FAM133A: variants seen among roughly 807,000 people sequenced by gnomAD.
FAM133A encodes the protein family with sequence similarity 133 member A.
For missense variants in FAM133A, 159 were observed against 164.4 expected (o/e 0.97, Z 0.18); for synonymous variants, 65 against 58.6 (o/e 1.11, Z -0.50).
intron 2 of FAM133A, among the ~76,000 whole-genome samples, chrX:93,679,873 C>T (rs746256147): frequency 2.0e-5 from 2 of 98,201 alleles, no homozygotes; most frequent in East Asian, 3.2e-4. Context: ...CTCAGTCTCC[C>T]GTGTAGCTGG....
intron 3 of FAM133A, among the ~76,000 whole-genome samples, chrX:93,702,641 A>T (rs1926774600): frequency 9.1e-6 from 1 of 109,542 alleles, no homozygotes; most frequent in Non-Finnish European, 1.9e-5. Context: ...TTTTTTCCCA[A>T]AGAGTACAGT....
At chrX:93,695,008 TCA>T (rs1348463426) in intron 2 of FAM133A, among the ~76,000 whole-genome samples, 1 of 111,563 alleles carries the variant, frequency 9.0e-6, no homozygotes, top group Non-Finnish European at 1.9e-5. Flanking sequence ...AGAATTAGCC[TCA>T]CTACTCTTGG....
At chrX:93,681,310 T>G (rs886170384) in intron 2 of FAM133A, among the ~76,000 whole-genome samples, 5 of 110,772 alleles carry the variant, frequency 4.5e-5, no homozygotes, top group African/African-American at 1.6e-4. Context: ...TCTATCTATC[T>G]ATCTTTGCAA....
rs139973643 is a variant in FAM133A at position 93,706,374 on chromosome X, A to T, written c.-103-2943A>T. ...TTTGTAGGTTTTTCATTCACTGCCA[A>T]CCCCTTGCATGTTGGTGTTCAGTTG... On this transcript the variant is annotated intron_variant, in intron 3 of 3. Coordinates refer to ENST00000683942, the MANE Select transcript of FAM133A (RefSeq NM_001171109.2). 1.8e-4 allele frequency among the ~76,000 whole-genome samples: 20 copies of T among 111,310 alleles called. No homozygotes were observed. The East Asian group carries it at 5.1e-3, about 28-fold the overall frequency.
intron 3 of FAM133A, among the ~76,000 whole-genome samples, chrX:93,705,460 G>A (rs1327063866): frequency 9.0e-6 from 1 of 111,381 alleles, no homozygotes; most frequent in Non-Finnish European, 1.9e-5. Context: ...GGATCATACA[G>A]ATTCTTCAGT....
At chrX:93,693,088 G>A (rs1925996070) in intron 2 of FAM133A, among the ~76,000 whole-genome samples, 1 of 111,368 alleles carries the variant, frequency 9.0e-6, no homozygotes, top group African/African-American at 3.3e-5. Context: ...TTATAGTGAT[G>A]AGTCAAAAAG....
chrX:93,709,446 C>T lies in FAM133A; in HGVS notation c.27C>T (p.Ala9=). 1.7e-6 allele frequency: 2 copies of T among 1,183,110 alleles called. No homozygotes were observed. Among genetic ancestry groups the T allele is most frequent in the Non-Finnish European group, 2.3e-6 (2 of 886,433 alleles). Residue 9 remains alanine, a synonymous_variant, in exon 4 of 4, where the codon GCC becomes GCT. Coordinates refer to ENST00000683942, the MANE Select transcript of FAM133A (RefSeq NM_001171109.2). MGKRDNRV[A]YMNPIAMARW... ...TGGGGAAGCGGGATAATCGGGTAGC[C>T]TATATGAATCCTATAGCAATGGCCA...
intron 3 of FAM133A, among the ~76,000 whole-genome samples, chrX:93,704,069 C>T (rs1926891753): frequency 9.0e-6 from 1 of 111,436 alleles, no homozygotes; most frequent in Non-Finnish European, 1.9e-5. Flanking sequence ...AGGATGTGTT[C>T]ATGCTTGGCT....
rs757866080 is a variant in FAM133A at position 93,709,740 on chromosome X, TTCA to T, written c.325_327del (p.Ser111del). On this transcript the variant is annotated inframe_deletion, in exon 4 of 4. Coordinates refer to ENST00000683942, the MANE Select transcript of FAM133A (RefSeq NM_001171109.2). Reference sequence around the variant, plus strand: ...AGAAATCTTGTCGGTCTTCATCTTCTTCATCAAGCTCTGATTCTTCAAGCAGTT... The same window carrying T: ...AGAAATCTTGTCGGTCTTCATCTTCTTCAAGCTCTGATTCTTCAAGCAGTT... 8.4e-7 allele frequency: 1 copy of T among 1,196,217 alleles called. No individual in the cohort carries two copies. Among genetic ancestry groups the T allele is most frequent in the South Asian group, 1.8e-5 (1 of 54,436 alleles).
rs898964635 is a variant in FAM133A at position 93,678,961 on chromosome X, G to T, written c.-193+4209G>T. Reference sequence around the variant, plus strand: ...TCTTCATCCTTGACCTTTCACTTCTGCTCCCAACTATGTGAGATAAAGGGT... The same window carrying T: ...TCTTCATCCTTGACCTTTCACTTCTTCTCCCAACTATGTGAGATAAAGGGT... On this transcript the variant is annotated intron_variant, in intron 2 of 3. Transcript: ENST00000683942. Among the ~76,000 whole-genome samples the T allele has an allele frequency of 6.3e-5, 7 of 111,792 alleles. No individual in the cohort carries two copies. In the Admixed American group the frequency reaches 6.7e-4, roughly 11 times the overall value.
intron 3 of FAM133A, among the ~76,000 whole-genome samples, chrX:93,705,822 A>G (rs1927005174): frequency 2.7e-5 from 3 of 110,784 alleles, no homozygotes; most frequent in African/African-American, 6.5e-5. Flanking sequence ...TTTTTAAAAC[A>G]TGTTTTCTTT....
rs890215708 is a variant in FAM133A at position 93,689,367 on chromosome X, T to A, written c.-192-9030T>A. ...ACAGCAATCATTTTTTAATTAATTTTAAAAATTTTTGGTAAAAGTAATAGT... is the reference window on the plus strand; with the variant it reads ...ACAGCAATCATTTTTTAATTAATTTAAAAAATTTTTGGTAAAAGTAATAGT... On this transcript the variant is annotated intron_variant, in intron 2 of 3. Transcript: ENST00000683942. Among the ~76,000 whole-genome samples, 6 of 111,593 alleles carry A rather than the reference T, an allele frequency of 5.4e-5. No homozygotes were observed. The South Asian group carries it at 2.3e-3, about 42-fold the overall frequency.
chrX:93,690,896 C>A (rs1225985885), intron 2 of FAM133A, among the ~76,000 whole-genome samples: 1 of 111,468 alleles, frequency 9.0e-6, no homozygotes, highest in Non-Finnish European at 1.9e-5. Flanking sequence ...GTATAATTTG[C>A]CTTTTTTATT....
intron 2 of FAM133A, among the ~76,000 whole-genome samples, chrX:93,681,995 A>G (rs1207314515): frequency 2.7e-5 from 3 of 111,832 alleles, no homozygotes; most frequent in Admixed American, 1.9e-4. Context: ...TTAGCCTCTC[A>G]GATATGCTAT....
In FAM133A at chrX:93,702,837, T is replaced by TAA. The variant is rs33985910; in HGVS notation, c.-104+4384_-104+4385dup. Reference sequence around the variant, plus strand: ...ACTTACAATCTAATTATAGCTATGATAAAAAAAAAAAAAAAAAAAAAAAAA... The same window carrying TAA: ...ACTTACAATCTAATTATAGCTATGATAAAAAAAAAAAAAAAAAAAAAAAAAAA... On this transcript the variant is annotated intron_variant, in intron 3 of 3. Coordinates refer to ENST00000683942, the MANE Select transcript of FAM133A (RefSeq NM_001171109.2). Among the ~76,000 whole-genome samples, 236 of 42,994 alleles carry TAA rather than the reference T, an allele frequency of 5.5e-3. 4 individuals carry two copies. Among genetic ancestry groups the TAA allele is most frequent in the East Asian group, 0.02 (20 of 1,021 alleles). 37.3% of individuals were successfully genotyped at this position (42,994 alleles called of 115,157 possible).
intron 2 of FAM133A, among the ~76,000 whole-genome samples, chrX:93,685,624 A>G (rs1925459856): frequency 1.8e-5 from 2 of 111,875 alleles, no homozygotes; most frequent in South Asian, 7.5e-4. Context: ...TAGGATGCAA[A>G]TTTCAGAGAG....
In FAM133A at chrX:93,710,122, A is replaced by G; in HGVS notation, c.703A>G (p.Lys235Glu). 8.4e-7 allele frequency: 1 copy of G among 1,186,120 alleles called. No homozygotes were observed. ...KKKKQHKKHS[K>E]KKKKKSGSSH... ...GAAGAAACAGCACAAGAAACATAGT[A>G]AGAAGAAGAAAAAGAAGTCTGGATC... Residue 235 changes from lysine (K) to glutamate (E), a missense_variant, in exon 4 of 4, where the codon AAG becomes GAG. Transcript: ENST00000683942.
At chrX:93,675,986 G>A (rs1316354411) in intron 2 of FAM133A, among the ~76,000 whole-genome samples, 4 of 111,016 alleles carry the variant, frequency 3.6e-5, no homozygotes, top group Non-Finnish European at 7.6e-5. Flanking sequence ...GTAGCATTAG[G>A]AATTAGTATT....
rs192254745 is a variant in FAM133A, at chrX:93,711,977, A to G, written c.*1811A>G. On this transcript the variant is annotated 3_prime_UTR_variant, in exon 4 of 4. Coordinates refer to ENST00000683942, the MANE Select transcript of FAM133A (RefSeq NM_001171109.2). ...ATCATGTATCTATCTGCTCCTGTTC[A>G]CTTCCAAACCTCTTGTAGTTAGGCA... 170 of 123,222 alleles carry G rather than the reference A, an allele frequency of 1.4e-3. 1 individual carries two copies. Among genetic ancestry groups the G allele is most frequent in the Non-Finnish European group, 2.6e-3 (137 of 53,223 alleles). 10.2% of individuals were successfully genotyped at this position (123,222 alleles called of 1,213,427 possible). A position where few individuals can be genotyped will look rare whatever the true frequency, so the allele number is the denominator to read the frequency against.
Sources: allele counts gnomAD v4.1 joint callset (sites outside exome capture counted in the v4.1 genomes callset), GRCh38; gene constraint gnomAD v4.1.1; transcripts MANE v1.5; gene names NCBI Gene and HGNC (gene_info 2026-07-23, HGNC 2026-07-21).